Variants in ACTMAP observed in about 807,000 individuals in gnomAD.
The protein encoded by ACTMAP is UPF0692 protein C19orf54.
At chr19:40,742,510 C>T in the ACTMAP span, 250 of 1,535,360 alleles carry the variant, frequency 1.6e-4, no homozygotes, top group Non-Finnish European at 2.1e-4. Flanking sequence ...ACGGGCACCA[C>T]GTACACCCGG....
the ACTMAP span, chr19:40,742,726 CAG>C: frequency 6.2e-7 from 1 of 1,611,614 alleles, no homozygotes; most frequent in African/African-American, 1.3e-5. Context: ...TCAGGGTCCT[CAG>C]TGTAGCCGAG....
the ACTMAP span, chr19:40,744,946 G>T: frequency 2.4e-6 from 2 of 819,346 alleles, no homozygotes; most frequent in African/African-American, 1.7e-5. Context: ...TTCATTCCTC[G>T]CATGTCCCAA....
chr19:40,744,876 C>T, the ACTMAP span: 10 of 907,294 alleles, frequency 1.1e-5, no homozygotes, highest in Non-Finnish European at 1.6e-5. Context: ...GGAGAGGTCA[C>T]CTGAGCTTCC....
chr19:40,744,586 A>G, the ACTMAP span: 2 of 1,613,842 alleles, frequency 1.2e-6, no homozygotes, highest in East Asian at 2.2e-5. Context: ...TGGGCCGTGT[A>G]GCCTCTTTCC....
chr19:40,742,788 G>A, the ACTMAP span: 11 of 1,591,276 alleles, frequency 6.9e-6, no homozygotes, highest in East Asian at 2.5e-4. Context: ...AGAGGAGAAG[G>A]TGGTGAGTGG....
At chr19:40,743,902 C>T in the ACTMAP span, 177 of 1,613,844 alleles carry the variant, frequency 1.1e-4, no homozygotes, top group Admixed American at 1.7e-4. Context: ...AGGGGGAACC[C>T]ACCTGCACTC....
chr19:40,745,330 G>T, the ACTMAP span: 4 of 858,598 alleles, frequency 4.7e-6, no homozygotes, highest in African/African-American at 3.4e-5. Flanking sequence ...GGCTGAAGGC[G>T]GCTCCTGGTT....
At chr19:40,741,732 T>A in the ACTMAP span, 1 of 456,704 alleles carries the variant, frequency 2.2e-6, no homozygotes, top group Non-Finnish European at 4.4e-6. Flanking sequence ...GGCCAGTGAT[T>A]CCACTTCTCC....
the ACTMAP span, chr19:40,741,193 G>A: frequency 2.5e-6 from 1 of 395,000 alleles, no homozygotes; most frequent in Admixed American, 4.3e-5. Flanking sequence ...TGTAATCCCA[G>A]CACTTTGGGA....
At chr19:40,742,210 C>A in the ACTMAP span, 7 of 694,882 alleles carry the variant, frequency 1.0e-5, no homozygotes, top group Admixed American at 1.2e-4. Context: ...ACAGACGATG[C>A]GACATTCAGA....
the ACTMAP span, chr19:40,745,144 G>A: frequency 3.9e-6 from 6 of 1,551,926 alleles, no homozygotes; most frequent in Admixed American, 1.2e-4. Context: ...GGCCTTCTTG[G>A]ATGAGGGACG....
the ACTMAP span, among the ~76,000 whole-genome samples, chr19:40,746,173 G>A: frequency 6.6e-6 from 1 of 152,102 alleles, no homozygotes; most frequent in Non-Finnish European, 1.5e-5. Flanking sequence ...CCTGGGGGAG[G>A]CCACTCAGAT....
At chr19:40,747,420 C>T in the ACTMAP span, among the ~76,000 whole-genome samples, 11 of 151,930 alleles carry the variant, frequency 7.2e-5, no homozygotes, top group Non-Finnish European at 1.6e-4. Context: ...CACCTGTAAT[C>T]CCAGCTACTC....
the ACTMAP span, among the ~76,000 whole-genome samples, chr19:40,747,148 G>A: frequency 6.6e-6 from 1 of 152,128 alleles, no homozygotes; most frequent in Non-Finnish European, 1.5e-5. Context: ...AGAAGGCAAG[G>A]TTCGGTTTGG....
At chr19:40,747,274 C>T in the ACTMAP span, among the ~76,000 whole-genome samples, 14 of 152,016 alleles carry the variant, frequency 9.2e-5, no homozygotes, top group Admixed American at 7.2e-4. Context: ...CAGCAGCTCA[C>T]GCCTGTAATC....
chr19:40,742,332 G>A, the ACTMAP span: 1,249 of 1,222,060 alleles, frequency 1.0e-3, 2 homozygotes, highest in Non-Finnish European at 1.3e-3. Flanking sequence ...GGAGACCCCT[G>A]AGACCTAGCT....
At chr19:40,745,953 G>A in the ACTMAP span, among the ~76,000 whole-genome samples, 4 of 152,192 alleles carry the variant, frequency 2.6e-5, no homozygotes, top group African/African-American at 4.8e-5. Flanking sequence ...GATTATAGGC[G>A]TGAGCCACCG....
At chr19:40,742,213 C>T in the ACTMAP span, 5 of 699,154 alleles carry the variant, frequency 7.2e-6, no homozygotes, top group African/African-American at 1.7e-5. Flanking sequence ...GACGATGCGA[C>T]ATTCAGATGG....
At chr19:40,741,899 A>G in the ACTMAP span, 1 of 453,528 alleles carries the variant, frequency 2.2e-6, no homozygotes. Flanking sequence ...GGGTGTCTTG[A>G]CTGGGGCTGC....
Sources: allele counts gnomAD v4.1 joint callset (sites outside exome capture counted in the v4.1 genomes callset), GRCh38; gene constraint gnomAD v4.1.1; transcripts MANE v1.5; gene names NCBI Gene and HGNC (gene_info 2026-07-23, HGNC 2026-07-21).